Variants in INSC observed in about 807,000 individuals in gnomAD.
INSC encodes INSC spindle orientation adaptor protein.
In INSC, 67 loss-of-function variants were observed where a neutral mutation model predicts 58.6. That is an observed-to-expected ratio of 1.14 (90% CI 0.94 to 1.40). INSC has a LOEUF of 1.40. INSC is among the 40% of genes most tolerant of loss of function. The probability of loss-of-function intolerance (pLI) is 0.00; values close to 1 mark genes in which losing one functional copy is unlikely to be tolerated. For synonymous variants in INSC, 262 were observed against 276.1 expected, an observed-to-expected ratio of 0.95 and a Z score of 0.51; for missense variants, 714 against 692.0, an observed-to-expected ratio of 1.03 and a Z score of -0.36.
At chr11:15,264,309 T>A in the INSC span, among the ~76,000 whole-genome samples, 1 of 149,514 alleles carries the variant, frequency 6.7e-6, no homozygotes, top group Non-Finnish European at 1.5e-5. Context: ...ATCTCTATTC[T>A]GCTGCGGCGG....
chr11:15,173,594 C>G (rs574356372), intron 2 of INSC, among the ~76,000 whole-genome samples: 13 of 151,920 alleles, frequency 8.6e-5, no homozygotes, highest in South Asian at 6.2e-4. Flanking sequence ...CTCTCTCTCT[C>G]TGTGTGTCTG....
rs368841527 is a variant in INSC, at chr11:15,184,956, G to A, written c.580-5745G>A. On this transcript the variant is annotated intron_variant, in intron 5 of 12. Transcript: ENST00000379556. ...CCAATCCTCTCTGAATAATTCGGGT[G>A]ACTCAAGGTACTCTTAAGTGAAAAA... 3.9e-5 allele frequency among the ~76,000 whole-genome samples: 6 copies of A among 152,328 alleles called. No homozygotes were observed. In the East Asian group the frequency reaches 1.2e-3, roughly 29 times the overall value.
chr11:15,236,380 C>T (rs899470349), intron 10 of INSC, among the ~76,000 whole-genome samples: 2 of 152,180 alleles, frequency 1.3e-5, no homozygotes, highest in African/African-American at 2.4e-5. Flanking sequence ...AAAATCTATT[C>T]CTACCAAGGG....
In INSC at chr11:15,177,513, C is replaced by G. The variant is rs76205434; in HGVS notation, c.455+350C>G. 2.0e-5 allele frequency among the ~76,000 whole-genome samples: 3 copies of G among 152,242 alleles called. No individual in the cohort carries two copies. The East Asian group carries it at 5.8e-4, about 29-fold the overall frequency. On this transcript the variant is annotated intron_variant, in intron 4 of 12. Transcript: ENST00000379556. ...GCAAGGTGAAAGCCGACACTCACAC[C>G]CTTACACACGCACATACACATAGAC...
At chr11:15,154,634 G>T (rs2133764377) in intron 2 of INSC, among the ~76,000 whole-genome samples, 1 of 152,320 alleles carries the variant, frequency 6.6e-6, no homozygotes, top group East Asian at 1.9e-4. Context: ...TGGATTAGGA[G>T]CCAGGGGCCA....
chr11:15,208,134 G>A (rs528053745), intron 7 of INSC, among the ~76,000 whole-genome samples: 43 of 152,338 alleles, frequency 2.8e-4, no homozygotes, highest in African/African-American at 1.0e-3. Context: ...TGCTTAATTT[G>A]TCTTGCAATC....
intron 8 of INSC, among the ~76,000 whole-genome samples, chr11:15,225,078 G>A (rs576290996): frequency 2.0e-4 from 31 of 152,254 alleles, no homozygotes; most frequent in African/African-American, 6.7e-4. Context: ...CGGACTCACA[G>A]GCTTTGTATC....
chr11:15,176,235 CT>C (rs1849571463), intron 3 of INSC, 149 bp downstream of exon 3: 2 of 675,166 alleles, frequency 3.0e-6, no homozygotes, highest in Admixed American at 6.2e-5. Flanking sequence ...AGAGTGGAAT[CT>C]TTACTGAGTG....
intron 12 of INSC, 73 bp from the exon 13 acceptor site, chr11:15,245,839 G>C: frequency 6.5e-7 from 1 of 1,540,724 alleles, no homozygotes; most frequent in Admixed American, 1.8e-5. Context: ...CACATTTCAG[G>C]GTAGGTGAAG....
chr11:15,214,990 C>A (rs1171757227), intron 7 of INSC, among the ~76,000 whole-genome samples: 5 of 152,154 alleles, frequency 3.3e-5, no homozygotes, highest in Non-Finnish European at 7.4e-5. Flanking sequence ...TATAAATCAC[C>A]CAGTCTCAGG....
intron 11 of INSC, among the ~76,000 whole-genome samples, chr11:15,239,845 A>C (rs182705866): frequency 6.6e-6 from 1 of 152,246 alleles, no homozygotes; most frequent in Admixed American, 6.5e-5. Context: ...AAGGCTGAGA[A>C]AGGGCTCTTC....
rs1168697893 is a variant in INSC at position 15,246,655 on chromosome 11, T to TTAAG, written c.*617_*620dup. 8 of 152,522 alleles carry TTAAG rather than the reference T, an allele frequency of 5.2e-5. No individual in the cohort carries two copies. Among genetic ancestry groups the TTAAG allele is most frequent in the Non-Finnish European group, 1.2e-4 (8 of 68,048 alleles). 9.4% of individuals were successfully genotyped at this position (152,522 alleles called of 1,614,324 possible). On this transcript the variant is annotated 3_prime_UTR_variant, in exon 13 of 13. Coordinates refer to ENST00000379556, the MANE Select transcript of INSC (RefSeq NM_001042536.3). ...TTGTTTTCATAGGTGTATAAATAGG[T>TTAAG]TAAGTTCTGAGTGACTTAGTGAGAA...
chr11:15,212,108 G>T (rs1564906188), intron 7 of INSC, among the ~76,000 whole-genome samples: 1 of 148,914 alleles, frequency 6.7e-6, no homozygotes, highest in East Asian at 2.0e-4. Flanking sequence ...AATTGACATA[G>T]TTTTTTTTTT....
chr11:15,257,115 T>G, the INSC span, among the ~76,000 whole-genome samples: 1 of 152,226 alleles, frequency 6.6e-6, no homozygotes, highest in Non-Finnish European at 1.5e-5. Flanking sequence ...TGCTGAGGCC[T>G]GAAATTATAA....
At chr11:15,224,767 G>T (rs1851568937) in intron 8 of INSC, among the ~76,000 whole-genome samples, 1 of 152,190 alleles carries the variant, frequency 6.6e-6, no homozygotes, top group Non-Finnish European at 1.5e-5. Flanking sequence ...GTGGTGGAAG[G>T]ATAAGGTTAC....
chr11:15,162,288 C>G (rs182259794), intron 2 of INSC, among the ~76,000 whole-genome samples: 3 of 152,170 alleles, frequency 2.0e-5, no homozygotes, highest in Admixed American at 1.3e-4. Context: ...ACTCTAGCCA[C>G]ACTTATCTCC....
intron 2 of INSC, among the ~76,000 whole-genome samples, chr11:15,162,660 A>G (rs1849059800): frequency 1.3e-5 from 2 of 152,188 alleles, no homozygotes; most frequent in African/African-American, 4.8e-5. Context: ...GCTTACTAAT[A>G]TATCCCAAGT....
intron 7 of INSC, among the ~76,000 whole-genome samples, chr11:15,211,597 A>C (rs944561024): frequency 6.6e-6 from 1 of 152,168 alleles, no homozygotes; most frequent in African/African-American, 2.4e-5. Flanking sequence ...CCATTTAAGA[A>C]ATCATTGATT....
chr11:15,168,567 T>C (rs1328744081), intron 2 of INSC, among the ~76,000 whole-genome samples: 1 of 152,208 alleles, frequency 6.6e-6, no homozygotes, highest in Non-Finnish European at 1.5e-5. Flanking sequence ...AGAACTAACA[T>C]TTTTGAGTGT....
Sources: gnomAD v4.1 joint callset for allele counts (sites outside exome capture counted in the v4.1 genomes callset) on GRCh38, gnomAD v4.1.1 for gene constraint, MANE v1.5 for transcripts, NCBI Gene and HGNC (gene_info 2026-07-23, HGNC 2026-07-21) for gene names.